The following KIF26A variants were observed in gnomAD, a reference collection of about 807,000 sequenced individuals.
The protein encoded by KIF26A is kinesin-like protein KIF26A.
Under a neutral mutation model 126.0 loss-of-function variants are expected in KIF26A, and 74 were observed. That is an observed-to-expected ratio of 0.59 (90% CI 0.49 to 0.71). KIF26A has a LOEUF of 0.71. Ranked by LOEUF, KIF26A falls within the 30% of genes least tolerant of loss-of-function variation. KIF26A has a pLI of 0.00. For missense variants in KIF26A, 2,984 were observed against 2,763.3 expected, an observed-to-expected ratio of 1.08 and a Z score of -1.79; for synonymous variants, 1,445 against 1,232.7, an observed-to-expected ratio of 1.17 and a Z score of -3.61.
In KIF26A at chr14:104,172,648, C is replaced by G. The variant is rs750932230; in HGVS notation, c.1400C>G (p.Ser467Cys). The change falls in exon 7 of 15, where the codon TCC becomes TGC. Residue 467 changes from serine (S) to cysteine (C), a missense_variant. By Grantham distance (112) the Ser-to-Cys change is moderately radical (BLOSUM62 -1). Transcript: ENST00000423312. ...VVSGADGCIF[S>C]FGHMSLGKSY... ...AGTGGGGCTGATGGCTGCATTTTTT[C>G]CTTTGGCCACATGAGCCTGGGTAAG... The G allele has an allele frequency of 5.6e-6, 9 of 1,613,028 alleles. No homozygotes were observed. Among genetic ancestry groups the G allele is most frequent in the Admixed American group, 1.7e-5 (1 of 60,008 alleles).
intron 3 of KIF26A, among the ~76,000 whole-genome samples, chr14:104,157,443 G>A (rs562428998): frequency 9.2e-5 from 14 of 152,236 alleles, no homozygotes; most frequent in South Asian, 2.1e-4. Flanking sequence ...GGGGAGAGGC[G>A]GAAAGTCTGG....
At chr14:104,178,231 C>CCGGGCCT (rs1360916322) in intron 12 of KIF26A, among the ~76,000 whole-genome samples, 2 of 152,176 alleles carry the variant, frequency 1.3e-5, no homozygotes, top group African/African-American at 2.4e-5. Context: ...GGTTTGGGTC[C>CCGGGCCT]CGGGCCTCGT....
chr14:104,179,072 C>T (rs768480889), intron 13 of KIF26A, among the ~76,000 whole-genome samples, 164 bp from the exon 14 acceptor site: 1 of 152,152 alleles, frequency 6.6e-6, no homozygotes, highest in Non-Finnish European at 1.5e-5. Context: ...CCCAGACGGG[C>T]ATGGGTGGGC....
chr14:104,139,150 T>G lies in KIF26A; in HGVS notation c.150T>G (p.Ala50=), dbSNP rs7146218. The G allele has an allele frequency of 3.2e-3, 4,805 of 1,515,746 alleles. 135 individuals carry two copies. In the African/African-American group the frequency reaches 0.062, roughly 19 times the overall value. 93.9% of individuals were successfully genotyped at this position (1,515,746 alleles called of 1,614,324 possible). ...PDQDPCGSRP[A]PEGAGAGPEQ... Reference sequence around the variant, plus strand: ...AGGACCCATGCGGCAGCCGCCCTGCTCCCGAAGGCGCCGGGGCCGGCCCAG... The same window carrying G: ...AGGACCCATGCGGCAGCCGCCCTGCGCCCGAAGGCGCCGGGGCCGGCCCAG... Residue 50 remains alanine (A), a synonymous_variant, in exon 2 of 15, where the codon GCT becomes GCG. Coordinates refer to ENST00000423312, the MANE Select transcript of KIF26A (RefSeq NM_015656.2).
At chr14:104,178,008 C>T in intron 12 of KIF26A, 110 bp downstream of exon 12, 2 of 1,216,480 alleles carry the variant, frequency 1.6e-6, no homozygotes, top group East Asian at 2.8e-5. Context: ...ATGGGCACAG[C>T]CTTCAAGGTC....
intron 3 of KIF26A, among the ~76,000 whole-genome samples, chr14:104,153,708 TGGA>T (rs1459054154): frequency 1.3e-5 from 2 of 152,166 alleles, no homozygotes; most frequent in African/African-American, 2.4e-5. Flanking sequence ...GGCAGCATCC[TGGA>T]GGAGGTCTCA....
At chr14:104,174,684 G>A (rs8011051) in intron 11 of KIF26A, among the ~76,000 whole-genome samples, 124 of 152,112 alleles carry the variant, frequency 8.2e-4, no homozygotes, top group Non-Finnish European at 1.3e-3. Flanking sequence ...GGGGTTACAC[G>A]GCCCTTGGTG....
Position 104,175,056 on chromosome 14 carries a change from C to T in KIF26A, c.2268C>T (p.Pro756=), listed in dbSNP as rs377074004. The T allele has an allele frequency of 6.3e-7, 1 of 1,582,080 alleles. No individual in the cohort carries two copies. Among genetic ancestry groups the T allele is most frequent in the African/African-American group, 1.3e-5 (1 of 74,284 alleles). The change falls in exon 12 of 15, where the codon CCC becomes CCT. Residue 756 remains proline, a synonymous_variant. Transcript: ENST00000423312. ...GRARRPPHLR[P]FHPRTVALDP... is the part of the protein sequence containing the mutation. ...CCCGTCGGCCCCCGCACCTGCGGCC[C>T]TTCCACCCACGCACTGTGGCCCTGG...
Position 104,176,606 on chromosome 14 carries a change from C to T in KIF26A, c.3818C>T (p.Ala1273Val), listed in dbSNP as rs999584830. 1 of 1,609,122 alleles carries T rather than the reference C, an allele frequency of 6.2e-7. No homozygotes were observed. The highest frequency in any genetic ancestry group is 8.5e-7 in the Non-Finnish European group (1 of 1,179,510). The change falls in exon 12 of 15, where the codon GCC (alanine) becomes GTC (valine). Residue 1273 changes from alanine to valine, a missense_variant. Coordinates refer to ENST00000423312, the MANE Select transcript of KIF26A (RefSeq NM_015656.2). ...PTLGSPRLPE[A>V]QVMLACAQRV... ...CTTGGCTCCCCCCGGCTGCCTGAGG[C>T]CCAGGTGATGCTAGCCTGTGCCCAG... is the stretch of plus-strand genomic sequence containing the variant.
In KIF26A at chr14:104,178,537, C is replaced by G; in HGVS notation, c.5111-13C>G. ...CCGCCTCTGTTCACCCTGTGCCCGG[C>G]TCTCCGTTCCAGGTCTGCAGCGGCG... On this transcript the variant is annotated splice_polypyrimidine_tract_variant and intron_variant, in intron 12 of 14. Coordinates refer to ENST00000423312, the MANE Select transcript of KIF26A (RefSeq NM_015656.2). 6.9e-7 allele frequency: 1 copy of G among 1,445,616 alleles called. No homozygotes were observed. Among genetic ancestry groups the G allele is most frequent in the African/African-American group, 1.4e-5 (1 of 69,472 alleles). The allele number at this position is 1,445,616 out of a possible 1,614,324, so 89.5% of individuals were successfully genotyped here.
chr14:104,150,624 G>A (rs2037720544), intron 2 of KIF26A, among the ~76,000 whole-genome samples: 1 of 151,996 alleles, frequency 6.6e-6, no homozygotes. Context: ...CCCTCCCCGG[G>A]ATAATGGGCC....
Position 104,177,649 on chromosome 14 carries a change from C to A in KIF26A, c.4861C>A (p.Arg1621=). Residue 1621 remains arginine (R), a synonymous_variant, in exon 12 of 15, where the codon CGG becomes AGG. Transcript: ENST00000423312. ...CTACAGCAAGGTGACCGCCCCACGG[C>A]GGCCCCAGCGCTACAGCAGCGGCCA... ...SPYSKVTAPR[R]PQRYSSGHGS... is the part of the protein sequence containing the mutation. 6.6e-7 allele frequency: 1 copy of A among 1,525,648 alleles called. No individual in the cohort carries two copies. The highest frequency in any genetic ancestry group is 8.8e-7 in the Non-Finnish European group (1 of 1,140,814). The allele number at this position is 1,525,648 out of a possible 1,614,324, so 94.5% of individuals were successfully genotyped here.
chr14:104,142,532 C>T (rs1372768549), intron 2 of KIF26A, among the ~76,000 whole-genome samples: 1 of 152,192 alleles, frequency 6.6e-6, no homozygotes, highest in Non-Finnish European at 1.5e-5. Flanking sequence ...CCTGGCCTCC[C>T]TGGGCTGGAG....
At chr14:104,150,204 C>T (rs1322165424) in intron 2 of KIF26A, among the ~76,000 whole-genome samples, 1 of 118,240 alleles carries the variant, frequency 8.5e-6, no homozygotes, top group African/African-American at 2.9e-5. Flanking sequence ...CCCTCCCCCA[C>T]CCCCTCCTCC....
At chr14:104,161,954 C>G (rs1444031319) in intron 4 of KIF26A, among the ~76,000 whole-genome samples, 2 of 152,228 alleles carry the variant, frequency 1.3e-5, no homozygotes, top group African/African-American at 2.4e-5. Flanking sequence ...CTGCTGTGGC[C>G]TGGGGGAGAC....
chr14:104,179,798 C>T lies in KIF26A; in HGVS notation c.*8C>T, dbSNP rs752878198. ...CAGGAGGTGGACGTCTGAGGCTGGG[C>T]GCCGGACAAGAGGAGGGGGCGTGCA... On this transcript the variant is annotated 3_prime_UTR_variant, in exon 15 of 15. Transcript: ENST00000423312. 10 of 1,517,200 alleles carry T rather than the reference C, an allele frequency of 6.6e-6. No individual in the cohort carries two copies. Among genetic ancestry groups the T allele is most frequent in the Non-Finnish European group, 7.1e-6 (8 of 1,132,422 alleles). 94.0% of individuals were successfully genotyped at this position (1,517,200 alleles called of 1,614,324 possible).
rs116201985 is a variant in KIF26A at position 104,141,281 on chromosome 14, A to G, written c.288+1993A>G. Among the ~76,000 whole-genome samples, 1,334 of 152,340 alleles carry G rather than the reference A, an allele frequency of 8.8e-3. 26 individuals are homozygous for G. The highest frequency in any genetic ancestry group is 0.031 in the African/African-American group (1,273 of 41,586). On this transcript the variant is annotated intron_variant, in intron 2 of 14. Transcript: ENST00000423312. ...CCCTGGCCTCTGCTCTGTAAGGCCA[A>G]CGTGGCAAGGGGTATTTAGGGTTGG...
At chr14:104,170,499 A>G (rs2037946700) in intron 5 of KIF26A, among the ~76,000 whole-genome samples, 1 of 152,230 alleles carries the variant, frequency 6.6e-6, no homozygotes, top group African/African-American at 2.4e-5. Flanking sequence ...GGCGTTATGT[A>G]TCTGTCACTT....
At chr14:104,178,436 G>A in intron 12 of KIF26A, 114 bp from the exon 13 acceptor site, 3 of 769,484 alleles carry the variant, frequency 3.9e-6, no homozygotes, top group Non-Finnish European at 5.8e-6. Context: ...TTCCTGGACT[G>A]GATCCCGAAG....
Sources: gnomAD v4.1 joint callset for allele counts (sites outside exome capture counted in the v4.1 genomes callset) on GRCh38, gnomAD v4.1.1 for gene constraint, MANE v1.5 for transcripts, NCBI Gene and HGNC (gene_info 2026-07-23, HGNC 2026-07-21) for gene names.